The following PCDHGA2 variants were observed in gnomAD, a reference collection of about 807,000 sequenced individuals.
PCDHGA2 encodes the protein protocadherin gamma-A2.
A neutral mutation model predicts 59.2 loss-of-function variants in PCDHGA2; 40 were observed. That is an observed-to-expected ratio of 0.68 (90% confidence interval 0.52 to 0.88). The LOEUF is 0.88. Ranked by LOEUF, PCDHGA2 falls within the 40% of genes least tolerant of loss-of-function variation. The pLI, the probability that PCDHGA2 is intolerant of heterozygous loss-of-function variation, is 0.00. For synonymous variants in PCDHGA2, 560 were observed against 526.0 expected (o/e 1.06, Z -0.89); for missense variants, 1,226 against 1,204.0 (o/e 1.02, Z -0.27).
chr5:141,414,306 T>A lies in PCDHGA2; in HGVS notation c.2424+72911T>A, dbSNP rs778408885. The A allele has an allele frequency of 6.2e-6, 10 of 1,613,584 alleles. No homozygotes were observed. The Admixed American group carries it at 1.2e-4, about 19-fold the overall frequency. Reference sequence around the variant, plus strand: ...TCGTAGCCCTTTTAAATGTGCATGATTTAGACTCTGAGCAGAATGGACAGG... The same window carrying A: ...TCGTAGCCCTTTTAAATGTGCATGAATTAGACTCTGAGCAGAATGGACAGG... On this transcript the variant is annotated intron_variant, in intron 1 of 3. Coordinates refer to ENST00000394576, the MANE Select transcript of PCDHGA2 (RefSeq NM_018915.4).
At chr5:141,402,456 C>T (rs1052745008) in intron 1 of PCDHGA2, among the ~76,000 whole-genome samples, 1 of 152,050 alleles carries the variant, frequency 6.6e-6, no homozygotes, top group African/African-American at 2.4e-5. Flanking sequence ...TAATAGTTTA[C>T]ATATCTAGAA....
chr5:141,339,771 C>G lies in PCDHGA2; in HGVS notation c.800C>G (p.Thr267Ser). The change falls in exon 1 of 4, where the codon ACT (threonine) becomes AGT (serine). Residue 267 changes from threonine (T) to serine (S), a missense_variant. Transcript: ENST00000394576. ...VGTRILTVTA[T>S]DADEGYYAQV... Reference sequence around the variant, plus strand: ...ACCCGGATACTCACGGTGACCGCCACTGACGCAGATGAGGGCTACTACGCT... The same window carrying G: ...ACCCGGATACTCACGGTGACCGCCAGTGACGCAGATGAGGGCTACTACGCT... 1 of 1,614,182 alleles carries G rather than the reference C, an allele frequency of 6.2e-7. No individual in the cohort carries two copies. Among genetic ancestry groups the G allele is most frequent in the Non-Finnish European group, 8.5e-7 (1 of 1,180,034 alleles).
intron 1 of PCDHGA2, among the ~76,000 whole-genome samples, chr5:141,436,720 A>G (rs1337926057): frequency 1.5e-4 from 23 of 152,216 alleles, no homozygotes; most frequent in Non-Finnish European, 3.4e-4. Context: ...TCTGTTGGGA[A>G]AAATAATAAT....
At position 141,408,409 on chromosome 5, in the gene PCDHGA2, C is replaced by G. The variant is rs780778580; in HGVS notation, c.2424+67014C>G. On this transcript the variant is annotated intron_variant, in intron 1 of 3. Coordinates refer to ENST00000394576, the MANE Select transcript of PCDHGA2 (RefSeq NM_018915.4). ...TGTCGGCTCGCAAGCTGCGAGTGAGCGCGGAGAAGCTGCACTTCAGCGTAG... is the reference window on the plus strand; with the variant it reads ...TGTCGGCTCGCAAGCTGCGAGTGAGGGCGGAGAAGCTGCACTTCAGCGTAG... 3.1e-6 allele frequency: 5 copies of G among 1,613,884 alleles called. No individual in the cohort carries two copies. In the East Asian group the frequency reaches 1.1e-4, roughly 36 times the overall value.
chr5:141,473,665 T>C (rs1054239218), intron 1 of PCDHGA2, among the ~76,000 whole-genome samples: 1 of 152,142 alleles, frequency 6.6e-6, no homozygotes, highest in Non-Finnish European at 1.5e-5. Context: ...GTGAAGGCCC[T>C]GAGACAGGGA....
In PCDHGA2 at chr5:141,486,981, A is replaced by G. The variant is rs1457098151; in HGVS notation, c.2425-7826A>G. Reference sequence around the variant, plus strand: ...GCTGTGGACTTGGATTCAGGTTACAATGCTTGGGTTTCCTATCAGCTCCTG... The same window carrying G: ...GCTGTGGACTTGGATTCAGGTTACAGTGCTTGGGTTTCCTATCAGCTCCTG... On this transcript the variant is annotated intron_variant, in intron 1 of 3. Coordinates refer to ENST00000394576, the MANE Select transcript of PCDHGA2 (RefSeq NM_018915.4). The surrounding 1 kb of genome is among the most constrained non-coding windows in gnomAD (Gnocchi z 5.0). 17 of 1,614,038 alleles carry G rather than the reference A, an allele frequency of 1.1e-5. No individual in the cohort carries two copies. The highest frequency in any genetic ancestry group is 4.0e-5 in the African/African-American group (3 of 74,922).
rs772276108 is a variant in PCDHGA2, at chr5:141,340,326, T to A, written c.1355T>A (p.Phe452Tyr). 2 of 1,613,994 alleles carry A rather than the reference T, an allele frequency of 1.2e-6. No homozygotes were observed. The highest frequency in any genetic ancestry group is 1.7e-6 in the Non-Finnish European group (2 of 1,179,970). ...GACATCAACGACAACGCACCCGCCT[T>A]CTCCCGCACATCCTACTCCACCTAC... ...VADINDNAPA[F>Y]SRTSYSTYIP... Residue 452 changes from phenylalanine (F) to tyrosine (Y), a missense_variant, in exon 1 of 4, where the codon TTC (phenylalanine) becomes TAC (tyrosine). Transcript: ENST00000394576.
chr5:141,469,394 G>A lies in PCDHGA2; in HGVS notation c.2425-25413G>A, dbSNP rs550152670. Among the ~76,000 whole-genome samples the A allele has an allele frequency of 2.5e-4, 38 of 152,198 alleles. 1 individual carries two copies. The highest frequency in any genetic ancestry group is 8.4e-4 in the African/African-American group (35 of 41,514). On this transcript the variant is annotated intron_variant, in intron 1 of 3. Coordinates refer to ENST00000394576, the MANE Select transcript of PCDHGA2 (RefSeq NM_018915.4). ...GATCGAGACCATCCTGGCCAACATG[G>A]TGAAACCCCGTTTCTACTAAAAATA...
chr5:141,404,466 T>C lies in PCDHGA2; in HGVS notation c.2424+63071T>C, dbSNP rs536211455. ...CAAGGGTCTCCTCTCTCCACCTATG[T>C]CTCTATTAACTCAGACACTGGTGTG... On this transcript the variant is annotated intron_variant, in intron 1 of 3. Transcript: ENST00000394576. 28 of 1,613,558 alleles carry C rather than the reference T, an allele frequency of 1.7e-5. No individual in the cohort carries two copies. Among genetic ancestry groups the C allele is most frequent in the East Asian group, 2.2e-5 (1 of 44,882 alleles).
chr5:141,395,102 G>T (rs766050798), intron 1 of PCDHGA2: 3 of 1,614,172 alleles, frequency 1.9e-6, no homozygotes, highest in South Asian at 1.1e-5. Flanking sequence ...CCGCCGACTC[G>T]CGGAAGAGTC....
intron 1 of PCDHGA2, among the ~76,000 whole-genome samples, chr5:141,349,457 TGTGTACCCCAACACTAA>T (rs1470380293): frequency 6.6e-6 from 1 of 152,200 alleles, no homozygotes; most frequent in Non-Finnish European, 1.5e-5. Context: ...AAAGCATGTA[TGTGTACCCCAACACTAA>T]ATTGGCCCTT....
chr5:141,489,913 A>G lies in PCDHGA2; in HGVS notation c.2425-4894A>G. 1 of 1,614,208 alleles carries G rather than the reference A, an allele frequency of 6.2e-7. No homozygotes were observed. Among genetic ancestry groups the G allele is most frequent in the Non-Finnish European group, 8.5e-7 (1 of 1,180,044 alleles). Reference sequence around the variant, plus strand: ...TGGGGGGACCCCAGCCCGCTCAGGGACCACCCTTATCTCTGTCATCGTGCT... The same window carrying G: ...TGGGGGGACCCCAGCCCGCTCAGGGGCCACCCTTATCTCTGTCATCGTGCT... On this transcript the variant is annotated intron_variant, in intron 1 of 3. Transcript: ENST00000394576. The surrounding 1 kb of genome is among the most constrained non-coding windows in gnomAD (Gnocchi z 4.5).
At position 141,487,033 on chromosome 5, in the gene PCDHGA2, A is replaced by C. The variant is rs1465525110; in HGVS notation, c.2425-7774A>C. ...AGGCCCCAGATCCCAGCCTGTTTGC[A>C]GTCTCTCGATATGCTGGGGAGGTGC... On this transcript the variant is annotated intron_variant, in intron 1 of 3. Transcript: ENST00000394576. This position sits in a 1 kb window ranked among gnomAD's most constrained non-coding sequence, Gnocchi z 5.0. 3 of 1,614,160 alleles carry C rather than the reference A, an allele frequency of 1.9e-6. No individual in the cohort carries two copies. Among genetic ancestry groups the C allele is most frequent in the Non-Finnish European group, 2.5e-6 (3 of 1,180,032 alleles).
In PCDHGA2 at chr5:141,378,383, T is replaced by G. The variant is rs559607457; in HGVS notation, c.2424+36988T>G. 8.5e-5 allele frequency: 13 copies of G among 152,064 alleles called. 1 individual carries two copies. The South Asian group carries it at 1.5e-3, about 17-fold the overall frequency. 9.4% of individuals were successfully genotyped at this position (152,064 alleles called of 1,614,324 possible). A position where few individuals can be genotyped will look rare whatever the true frequency, so the allele number is the denominator to read the frequency against. On this transcript the variant is annotated intron_variant, in intron 1 of 3. Transcript: ENST00000394576. Reference sequence around the variant, plus strand: ...ACTAAAAATACAAAAATTAGCCAGGTGGGGTGGCATGGGCCTGTAATCGCA... The same window carrying G: ...ACTAAAAATACAAAAATTAGCCAGGGGGGGTGGCATGGGCCTGTAATCGCA...
chr5:141,349,205 C>T (rs141929057), intron 1 of PCDHGA2, among the ~76,000 whole-genome samples: 5 of 151,126 alleles, frequency 3.3e-5, no homozygotes, highest in African/African-American at 9.8e-5. Flanking sequence ...GAGTAGCTGG[C>T]GTTACAGGTA....
chr5:141,360,438 G>A (rs1761598718), intron 1 of PCDHGA2: 1 of 1,613,844 alleles, frequency 6.2e-7, no homozygotes, highest in Non-Finnish European at 8.5e-7. Flanking sequence ...AGCAGCCTCT[G>A]TGTGTTCTGG....
At chr5:141,460,724 A>C (rs1294708205) in intron 1 of PCDHGA2, among the ~76,000 whole-genome samples, 1 of 152,114 alleles carries the variant, frequency 6.6e-6, no homozygotes, top group African/African-American at 2.4e-5. Context: ...TGTTATAAGC[A>C]TATATACACA....
At position 141,465,659 on chromosome 5, in the gene PCDHGA2, T is replaced by C. The variant is rs184749770; in HGVS notation, c.2425-29148T>C. Among the ~76,000 whole-genome samples the C allele has an allele frequency of 3.5e-4, 53 of 152,318 alleles. 1 individual carries two copies. Among genetic ancestry groups the C allele is most frequent in the African/African-American group, 1.2e-3 (50 of 41,576 alleles). ...TGCTTTGAACATCCCAAAAAAGCGC[T>C]TGCCATGACATTTGCTCTTGACCAG... On this transcript the variant is annotated intron_variant, in intron 1 of 3. Transcript: ENST00000394576.
rs146615755 is a variant in PCDHGA2 at position 141,486,022 on chromosome 5, T to C, written c.2425-8785T>C. The C allele has an allele frequency of 1.2e-6, 2 of 1,614,030 alleles. No homozygotes were observed. Among genetic ancestry groups the C allele is most frequent in the Non-Finnish European group, 1.7e-6 (2 of 1,180,036 alleles). Reference sequence around the variant, plus strand: ...GTAACGTCACCTTTTATTTCAGTGGTCATACCCCTGATCGTGTAAGAAACC... The same window carrying C: ...GTAACGTCACCTTTTATTTCAGTGGCCATACCCCTGATCGTGTAAGAAACC... On this transcript the variant is annotated intron_variant, in intron 1 of 3. Coordinates refer to ENST00000394576, the MANE Select transcript of PCDHGA2 (RefSeq NM_018915.4). The surrounding 1 kb of genome is among the most constrained non-coding windows in gnomAD (Gnocchi z 5.0).
Sources: gnomAD v4.1 joint callset for allele counts (sites outside exome capture counted in the v4.1 genomes callset) on GRCh38, gnomAD v4.1.1 for gene constraint, Gnocchi (gnomAD v3.1) non-coding constraint, MANE v1.5 for transcripts, NCBI Gene and HGNC (gene_info 2026-07-23, HGNC 2026-07-21) for gene names.